The following ZFHX3 variants were observed in gnomAD, a reference collection of about 807,000 sequenced individuals.
The protein encoded by ZFHX3 is zinc finger homeobox protein 3.
ZFHX3 carries 42 observed loss-of-function variants against 279.1 expected under a neutral mutation model. The ratio of observed to expected loss-of-function variants is 0.15; its 90% CI spans 0.12 to 0.19. The LOEUF is 0.19. ZFHX3 is among the 10% of genes least tolerant of loss of function. The pLI, the probability that ZFHX3 is intolerant of heterozygous loss-of-function variation, is 1.00. For missense variants in ZFHX3, 4,981 were observed against 4,754.0 expected, an observed-to-expected ratio of 1.05 and a Z score of -1.40; for synonymous variants, 2,293 against 1,957.8, an observed-to-expected ratio of 1.17 and a Z score of -4.52.
chr16:73,195,820 AGAGT>A (rs1342207831), intron 5 of ZFHX3, among the ~76,000 whole-genome samples: 2 of 152,154 alleles, frequency 1.3e-5, no homozygotes, highest in Non-Finnish European at 2.9e-5. Flanking sequence ...AGTGCTAGAG[AGAGT>A]GAGGGGCCTG....
At position 73,624,848 on chromosome 16, in the gene ZFHX3, C is replaced by T. The variant is rs926336185; in HGVS notation, c.-1547+55332G>A. ...TAGTGAGGCCAGATGCTGCTTCATG[C>T]TCAAAGATGCTTCATTTTTCCCCAA... On this transcript the variant is annotated intron_variant, in intron 2 of 17. Transcript: ENST00000641206. 1.5e-4 allele frequency among the ~76,000 whole-genome samples: 23 copies of T among 152,160 alleles called. 1 individual carries two copies.
At chr16:73,001,533 C>G (rs1406027841) in intron 1 of ZFHX3, among the ~76,000 whole-genome samples, 1 of 152,072 alleles carries the variant, frequency 6.6e-6, no homozygotes, top group Admixed American at 6.6e-5. Flanking sequence ...ATAATGGAGG[C>G]CAGGAGTGCT....
At chr16:73,388,672 G>A (rs1453530395) in intron 3 of ZFHX3, among the ~76,000 whole-genome samples, 1 of 152,148 alleles carries the variant, frequency 6.6e-6, no homozygotes, top group Non-Finnish European at 1.5e-5. Flanking sequence ...AAGACTTCCT[G>A]ATGTTCCTGG....
intron 3 of ZFHX3, among the ~76,000 whole-genome samples, chr16:73,396,509 A>T (rs938488968): frequency 1.7e-4 from 26 of 152,160 alleles, no homozygotes; most frequent in African/African-American, 6.3e-4. Flanking sequence ...GAGACTGGGT[A>T]ATTTATAAAG....
chr16:73,432,871 C>T (rs2017932771), intron 3 of ZFHX3, among the ~76,000 whole-genome samples: 1 of 152,172 alleles, frequency 6.6e-6, no homozygotes, highest in Non-Finnish European at 1.5e-5. Flanking sequence ...GCTCCCCTGC[C>T]TCCCCACAGC....
chr16:73,284,368 A>G (rs1597261657), intron 4 of ZFHX3, among the ~76,000 whole-genome samples: 1 of 151,480 alleles, frequency 6.6e-6, no homozygotes, highest in Admixed American at 6.6e-5. Context: ...TCCTGAATCC[A>G]CTATCCTAAG....
chr16:73,888,117 T>C (rs901960778), intron 1 of ZFHX3, among the ~76,000 whole-genome samples: 1 of 152,160 alleles, frequency 6.6e-6, no homozygotes, highest in Non-Finnish European at 1.5e-5. Context: ...AAAGCTCAAA[T>C]GTCTCTAGGA....
chr16:73,884,674 T>C (rs2142416943), intron 1 of ZFHX3, among the ~76,000 whole-genome samples: 1 of 152,274 alleles, frequency 6.6e-6, no homozygotes, highest in Non-Finnish European at 1.5e-5. Flanking sequence ...ACACAGACAT[T>C]CCGAAATGCC....
At chr16:73,299,397 G>T (rs1371397509) in intron 4 of ZFHX3, among the ~76,000 whole-genome samples, 7 of 152,198 alleles carry the variant, frequency 4.6e-5, no homozygotes, top group Non-Finnish European at 7.3e-5. Flanking sequence ...CAACATCAAA[G>T]CTGCTGCATT....
chr16:73,494,269 T>C (rs545628490), intron 2 of ZFHX3, among the ~76,000 whole-genome samples: 1 of 152,288 alleles, frequency 6.6e-6, no homozygotes, highest in East Asian at 1.9e-4. Flanking sequence ...CTGGTTTACG[T>C]AAAGCAAATG....
At chr16:73,289,299 T>C (rs1279620001) in intron 4 of ZFHX3, among the ~76,000 whole-genome samples, 1 of 151,900 alleles carries the variant, frequency 6.6e-6, no homozygotes, top group Non-Finnish European at 1.5e-5. Context: ...ATTATATGTG[T>C]GTGTTCCTGC....
At chr16:72,798,867 G>A (rs892927601) in intron 8 of ZFHX3, among the ~76,000 whole-genome samples, 153 bp from the exon 9 acceptor site, 59 of 152,164 alleles carry the variant, frequency 3.9e-4, no homozygotes, top group African/African-American at 1.2e-3. Flanking sequence ...TCTGCGGAGC[G>A]CCTCCTGCTT....
At chr16:73,074,091 T>C (rs1965856653) in intron 8 of ZFHX3, among the ~76,000 whole-genome samples, 1 of 152,174 alleles carries the variant, frequency 6.6e-6, no homozygotes, top group Admixed American at 6.5e-5. Flanking sequence ...TGGAAAGATA[T>C]AAGAGAGGGT....
intron 2 of ZFHX3, among the ~76,000 whole-genome samples, chr16:73,468,209 C>G (rs548246398): frequency 3.5e-4 from 53 of 152,300 alleles, no homozygotes; most frequent in African/African-American, 1.2e-3. Context: ...TCCTTTCCTG[C>G]TCATCGCCCA....
chr16:73,544,300 T>C (rs1345389182), intron 2 of ZFHX3, among the ~76,000 whole-genome samples: 2 of 152,244 alleles, frequency 1.3e-5, no homozygotes, highest in Non-Finnish European at 1.5e-5. Flanking sequence ...TTTTTAAAAA[T>C]AGAATGCATC....
At chr16:72,899,566 T>C (rs564558080) in intron 3 of ZFHX3, among the ~76,000 whole-genome samples, 1 of 152,330 alleles carries the variant, frequency 6.6e-6, no homozygotes, top group South Asian at 2.1e-4. Flanking sequence ...TACACATTAC[T>C]CTAGCTTGTG....
intron 2 of ZFHX3, among the ~76,000 whole-genome samples, chr16:73,550,855 T>C (rs999798526): frequency 9.2e-5 from 14 of 152,262 alleles, no homozygotes; most frequent in Non-Finnish European, 1.8e-4. Flanking sequence ...TATTTTATTT[T>C]GTATTACCAA....
At chr16:72,913,658 T>A (rs1387549899) in intron 3 of ZFHX3, among the ~76,000 whole-genome samples, 1 of 151,964 alleles carries the variant, frequency 6.6e-6, no homozygotes. Context: ...TTAAAAAGAG[T>A]CACTAAGCCC....
At chr16:73,437,210 C>A (rs763009989) in intron 3 of ZFHX3, among the ~76,000 whole-genome samples, 3 of 152,076 alleles carry the variant, frequency 2.0e-5, no homozygotes, top group South Asian at 2.1e-4. Context: ...AACCTAATAC[C>A]GTATTTTGCA....
Sources: gnomAD v4.1 joint callset for allele counts (sites outside exome capture counted in the v4.1 genomes callset) on GRCh38, gnomAD v4.1.1 for gene constraint, MANE v1.5 for transcripts, NCBI Gene and HGNC (gene_info 2026-07-23, HGNC 2026-07-21) for gene names.